Variants in ALOX15 observed in about 807,000 individuals in gnomAD.
ALOX15 encodes the protein polyunsaturated fatty acid lipoxygenase ALOX15.
Under a neutral mutation model 71.7 loss-of-function variants are expected in ALOX15, and 68 were observed. That is an observed-to-expected ratio of 0.95 (90% CI 0.78 to 1.16). The LOEUF (loss-of-function observed/expected upper bound fraction) is 1.16. ALOX15 is among the 50% of genes most tolerant of loss of function. The pLI is 0.00. For synonymous variants in ALOX15, 346 were observed against 333.3 expected (o/e 1.04, Z -0.42); for missense variants, 798 against 818.8 (o/e 0.97, Z 0.31).
At chr17:4,641,358 G>GC (rs1163502445) in intron 1 of ALOX15, among the ~76,000 whole-genome samples, 159 bp downstream of exon 1, 2 of 152,192 alleles carry the variant, frequency 1.3e-5, no homozygotes, top group Admixed American at 6.5e-5. Context: ...CTGCCCTAAA[G>GC]CCCCCCACCC....
At position 4,639,041 on chromosome 17, in the gene ALOX15, G is replaced by A. The variant is rs369885935; in HGVS notation, c.419+10C>T. The A allele has an allele frequency of 3.3e-5, 54 of 1,614,102 alleles. No individual in the cohort carries two copies. Among genetic ancestry groups the A allele is most frequent in the Middle Eastern group, 1.6e-4 (1 of 6,084 alleles). ...AGCAGCTCACGTGGGGTCAGGGGAG[G>A]AGGGCTCACCGGTACAACTTCCTTC... On this transcript the variant is annotated intron_variant, in intron 3 of 13. Coordinates refer to ENST00000293761, the MANE Select transcript of ALOX15 (RefSeq NM_001140.5).
In ALOX15 at chr17:4,639,113, G is replaced by A; in HGVS notation, c.357C>T (p.Asp119=). The stretch of plus-strand genomic sequence containing the variant: ...GGTGTTTCTGGAACAGGCCCTGAGG[G>A]TCCTCGCCCACAGTGCGGCCTAGAA... ...PEGTGRTVGE[D]PQGLFQKHRE... is the part of the protein sequence containing the mutation. The change falls in exon 3 of 14, where the codon GAC becomes GAT. Residue 119 remains aspartate, a synonymous_variant. Transcript: ENST00000293761. 6.2e-7 allele frequency: 1 copy of A among 1,614,166 alleles called. No homozygotes were observed. Among genetic ancestry groups the A allele is most frequent in the Non-Finnish European group, 8.5e-7 (1 of 1,180,036 alleles).
chr17:4,640,815 G>A (rs939407365), intron 1 of ALOX15, among the ~76,000 whole-genome samples: 17 of 150,656 alleles, frequency 1.1e-4, no homozygotes, highest in Non-Finnish European at 1.9e-4. Flanking sequence ...TTGTTTAGAG[G>A]GAGGTGAAGA....
In ALOX15 at chr17:4,631,625, A is replaced by G. The variant is rs1910899439; in HGVS notation, c.1964T>C (p.Val655Ala). ...DMPYEYLRPS[V>A]VENSVAI ...TTAGATGGCCACACTGTTTTCCACCACGCTGGGCCGCAGGTACTCGTAGGG... is the reference window on the plus strand; with the variant it reads ...TTAGATGGCCACACTGTTTTCCACCGCGCTGGGCCGCAGGTACTCGTAGGG... Residue 655 changes from valine to alanine, a missense_variant, in exon 14 of 14, where the codon GTG becomes GCG. By Grantham distance (64) the Val-to-Ala change is moderately conservative. Around this residue, in one of 3 missense-constraint regions of ALOX15, gnomAD observed 490 missense variants for 509.4 expected, o/e 0.96. Transcript: ENST00000293761. 1.9e-6 allele frequency: 3 copies of G among 1,613,612 alleles called. No homozygotes were observed. Among genetic ancestry groups the G allele is most frequent in the Admixed American group, 1.7e-5 (1 of 60,022 alleles).
In ALOX15 at chr17:4,635,781, G is replaced by T. The variant is rs748669056; in HGVS notation, c.1139C>A (p.Pro380Gln). ...VIVVATMRCLPSIHPIFKLII... is the reference protein window; with the variant it reads ...VIVVATMRCLQSIHPIFKLII... ...TACCTTGAAGATAGGATGTATCGAC[G>T]GCAGGCACCTCATGGTGGCCACAAC... The change falls in exon 8 of 14, where the codon CCG becomes CAG. Residue 380 changes from proline (P) to glutamine (Q), a missense_variant. This residue lies in a region of ALOX15 where 490 missense variants were observed against 509.4 expected (regional missense o/e 0.96). Coordinates refer to ENST00000293761, the MANE Select transcript of ALOX15 (RefSeq NM_001140.5). 6.2e-7 allele frequency: 1 copy of T among 1,614,204 alleles called. No homozygotes were observed. Among genetic ancestry groups the T allele is most frequent in the Admixed American group, 1.7e-5 (1 of 60,026 alleles).
In ALOX15 at chr17:4,638,884, T is replaced by C. The variant is rs771178063; in HGVS notation, c.508A>G (p.Lys170Glu). 6 of 1,614,234 alleles carry C rather than the reference T, an allele frequency of 3.7e-6. No homozygotes were observed. The highest frequency in any genetic ancestry group is 4.2e-6 in the Non-Finnish European group (5 of 1,180,046). ...AGCGAAACCTCAAAGTCAACTCTCT[T>C]GTCTTCCAGAAATCGCTCATCCACA... ...LPVDERFLED[K>E]RVDFEVSLAK... Residue 170 changes from lysine (K) to glutamate (E), a missense_variant, in exon 4 of 14, where the codon AAG (lysine) becomes GAG (glutamate). Physicochemically the swap from Lys to Glu is moderately conservative, Grantham distance 56. This residue lies in a region of ALOX15 where 300 missense variants were observed against 283.1 expected (regional missense o/e 1.06). Transcript: ENST00000293761.
chr17:4,633,072 C>A (rs966830407), intron 10 of ALOX15, 74 bp downstream of exon 10: 29 of 1,609,062 alleles, frequency 1.8e-5, no homozygotes, highest in Non-Finnish European at 2.5e-5. Flanking sequence ...CCCAACCAGA[C>A]GCAGACCTCC....
Position 4,632,290 on chromosome 17 carries a change from G to A in ALOX15, c.1541-9C>T, listed in dbSNP as rs771034178. 3.7e-6 allele frequency: 6 copies of A among 1,612,156 alleles called. No individual in the cohort carries two copies. The East Asian group carries it at 6.7e-5, about 18-fold the overall frequency. On this transcript the variant is annotated splice_polypyrimidine_tract_variant and intron_variant, in intron 11 of 13. Transcript: ENST00000293761. ...TAAAGAGACAGGAAACCCTGCAAGGGGTGAAGAGAGTTAGAAGCTGCGAAG... is the reference window on the plus strand; with the variant it reads ...TAAAGAGACAGGAAACCCTGCAAGGAGTGAAGAGAGTTAGAAGCTGCGAAG...
Position 4,636,057 on chromosome 17 carries a change from G to A in ALOX15, c.952-89C>T, listed in dbSNP as rs140225478. 510 of 1,387,180 alleles carry A rather than the reference G, an allele frequency of 3.7e-4. 5 individuals carry two copies. The African/African-American group carries it at 5.7e-3, about 16-fold the overall frequency. The allele number at this position is 1,387,180 out of a possible 1,614,324, so 85.9% of individuals were successfully genotyped here. Reference sequence around the variant, plus strand: ...CCCTTGCATGTTAACCTCACCCTTCGTCCTCCAAACCTGTTCTGCTTTCCC... The same window carrying A: ...CCCTTGCATGTTAACCTCACCCTTCATCCTCCAAACCTGTTCTGCTTTCCC... On this transcript the variant is annotated intron_variant, in intron 7 of 13. Coordinates refer to ENST00000293761, the MANE Select transcript of ALOX15 (RefSeq NM_001140.5).
chr17:4,636,793 A>G (rs1911115410), intron 7 of ALOX15, among the ~76,000 whole-genome samples: 1 of 151,922 alleles, frequency 6.6e-6, no homozygotes, highest in Admixed American at 6.6e-5. Flanking sequence ...CTTGCCCCTG[A>G]GGACCGGTCC....
At chr17:4,641,424 G>C in intron 1 of ALOX15, 93 bp downstream of exon 1, 1 of 1,524,448 alleles carries the variant, frequency 6.6e-7, no homozygotes, top group Non-Finnish European at 8.8e-7. Flanking sequence ...AAGAGAATCG[G>C]CCAGAGGCCA....
chr17:4,632,328 C>A, intron 11 of ALOX15, 47 bp from the exon 12 acceptor site: 1 of 1,519,912 alleles, frequency 6.6e-7, no homozygotes, highest in Non-Finnish European at 9.1e-7. Flanking sequence ...AGGAGTAGGG[C>A]AGCGCTCAGA....
chr17:4,632,630 T>C (rs1910952787), intron 11 of ALOX15, among the ~76,000 whole-genome samples: 1 of 152,140 alleles, frequency 6.6e-6, no homozygotes, highest in Non-Finnish European at 1.5e-5. Flanking sequence ...CGAGAGTCAG[T>C]TGTTAAACAT....
intron 4 of ALOX15, 35 bp downstream of exon 4, chr17:4,638,815 C>T (rs1218435219): frequency 6.2e-7 from 1 of 1,613,372 alleles, no homozygotes; most frequent in African/African-American, 1.3e-5. Context: ...TAGACCAGGA[C>T]ACCTCCCTCT....
chr17:4,641,013 G>A (rs1202208044), intron 1 of ALOX15, among the ~76,000 whole-genome samples: 2 of 151,034 alleles, frequency 1.3e-5, no homozygotes, highest in African/African-American at 4.9e-5. Flanking sequence ...AAAGTTAACA[G>A]GACCGGGTAG....
chr17:4,633,321 A>C lies in ALOX15; in HGVS notation c.1249-6T>G. 6.2e-7 allele frequency: 1 copy of C among 1,612,868 alleles called. No individual in the cohort carries two copies. The highest frequency in any genetic ancestry group is 8.5e-7 in the Non-Finnish European group (1 of 1,179,076). ...CCCCCACCAGTGCTCATTATCTGAG[A>C]AGTGAGGGTGAGCAGGGTCAGGCGA... On this transcript the variant is annotated splice_polypyrimidine_tract_variant and splice_region_variant and intron_variant, in intron 9 of 13. Coordinates refer to ENST00000293761, the MANE Select transcript of ALOX15 (RefSeq NM_001140.5).
chr17:4,639,811 C>G lies in ALOX15; in HGVS notation c.136-180G>C. The G allele has an allele frequency of 4.9e-6, 3 of 612,674 alleles. No individual in the cohort carries two copies. In the South Asian group the frequency reaches 6.0e-5, roughly 12 times the overall value. 38.0% of individuals were successfully genotyped at this position (612,674 alleles called of 1,614,324 possible). A position where few individuals can be genotyped will look rare whatever the true frequency, so the allele number is the denominator to read the frequency against. ...GCGCCGAGCAGGTGGCCCCAGGACTCGGTTCTGAGGGGACGGGGACGGCAG... is the reference window on the plus strand; with the variant it reads ...GCGCCGAGCAGGTGGCCCCAGGACTGGGTTCTGAGGGGACGGGGACGGCAG... On this transcript the variant is annotated intron_variant, in intron 1 of 13. Transcript: ENST00000293761.
rs1422265887 is a variant in ALOX15 at position 4,631,375 on chromosome 17, GAAGGAAGATAGGA to G, written c.*212_*224del. ...AATGAAGAAAGAGGAAGAGAGAGAG[GAAGGAAGATAGGA>G]AAGGAGGAAGGAAGGAAAGAGGAGT... On this transcript the variant is annotated 3_prime_UTR_variant, in exon 14 of 14. Coordinates refer to ENST00000293761, the MANE Select transcript of ALOX15 (RefSeq NM_001140.5). The G allele has an allele frequency of 1.8e-6, 1 of 563,700 alleles. No individual in the cohort carries two copies. Among genetic ancestry groups the G allele is most frequent in the Non-Finnish European group, 3.1e-6 (1 of 320,216 alleles). The allele number at this position is 563,700 out of a possible 1,614,324, so 34.9% of individuals were successfully genotyped here.
chr17:4,631,329 G>A lies in ALOX15; in HGVS notation c.*271C>T, dbSNP rs1597428311. On this transcript the variant is annotated 3_prime_UTR_variant, in exon 14 of 14. Coordinates refer to ENST00000293761, the MANE Select transcript of ALOX15 (RefSeq NM_001140.5). ...TCTTGAAATGATTTATATAATTGTGGCTATTTGCCATATAGATCTGAATGA... is the reference window on the plus strand; with the variant it reads ...TCTTGAAATGATTTATATAATTGTGACTATTTGCCATATAGATCTGAATGA... 1 of 481,098 alleles carries A rather than the reference G, an allele frequency of 2.1e-6. No individual in the cohort carries two copies. Among genetic ancestry groups the A allele is most frequent in the East Asian group, 3.3e-5 (1 of 30,382 alleles). 29.8% of individuals were successfully genotyped at this position (481,098 alleles called of 1,614,324 possible).
Sources: allele counts gnomAD v4.1 joint callset (sites outside exome capture counted in the v4.1 genomes callset), GRCh38; gene constraint gnomAD v4.1.1; regional missense constraint gnomAD v4.1.1; transcripts MANE v1.5; gene names NCBI Gene and HGNC (gene_info 2026-07-23, HGNC 2026-07-21).